ENTREP2: variants seen among roughly 807,000 people sequenced by gnomAD.
ENTREP2 encodes the protein endosomal transmembrane epsin interactor 2, also known as protein ENTREP2.
At chr15:29,307,041 C>T in the ENTREP2 span, among the ~76,000 whole-genome samples, 1 of 152,048 alleles carries the variant, frequency 6.6e-6, no homozygotes, top group Admixed American at 6.6e-5. Flanking sequence ...AGCCACTGCA[C>T]CCAGCTGGCA....
the ENTREP2 span, among the ~76,000 whole-genome samples, chr15:29,486,760 T>C: frequency 3.9e-4 from 60 of 152,120 alleles, no homozygotes; most frequent in Non-Finnish European, 4.4e-4. Flanking sequence ...TGAAGGATAT[T>C]ATGTTAAGCA....
At chr15:29,399,171 G>A in the ENTREP2 span, among the ~76,000 whole-genome samples, 1 of 152,184 alleles carries the variant, frequency 6.6e-6, no homozygotes, top group Admixed American at 6.5e-5. Context: ...ACAACCTGAA[G>A]GAGTTTGGAA....
At chr15:29,412,988 C>T in the ENTREP2 span, among the ~76,000 whole-genome samples, 1,318 of 151,892 alleles carry the variant, frequency 8.7e-3, 8 homozygotes, top group Non-Finnish European at 0.014. Flanking sequence ...TTTCTAGGTA[C>T]CTAAGGCTAT....
At chr15:29,136,523 A>G in the ENTREP2 span, 5 of 1,545,388 alleles carry the variant, frequency 3.2e-6, no homozygotes, top group South Asian at 3.6e-5. Flanking sequence ...GAATCATCAC[A>G]TCGTCATTGC....
At chr15:29,506,037 C>A in the ENTREP2 span, among the ~76,000 whole-genome samples, 9 of 152,024 alleles carry the variant, frequency 5.9e-5, no homozygotes, top group Non-Finnish European at 8.8e-5. Flanking sequence ...GAATTGCTAA[C>A]CAGAATAGCC....
At chr15:29,629,097 T>A in the ENTREP2 span, among the ~76,000 whole-genome samples, 4 of 152,290 alleles carry the variant, frequency 2.6e-5, no homozygotes, top group Non-Finnish European at 5.9e-5. Flanking sequence ...AATTTTCTCT[T>A]GGAAGTCTAC....
chr15:29,612,687 C>T, the ENTREP2 span: 12 of 153,766 alleles, frequency 7.8e-5, 1 homozygote, highest in South Asian at 4.1e-4. Flanking sequence ...CCAGGGACCA[C>T]GATCTGTAGC....
the ENTREP2 span, among the ~76,000 whole-genome samples, chr15:29,157,529 G>A: frequency 1.3e-5 from 2 of 152,192 alleles, no homozygotes; most frequent in African/African-American, 4.8e-5. Flanking sequence ...CTGGCTGAGT[G>A]CCTTTTCTCT....
At chr15:29,471,116 T>A in the ENTREP2 span, among the ~76,000 whole-genome samples, 3 of 152,308 alleles carry the variant, frequency 2.0e-5, no homozygotes, top group East Asian at 3.9e-4. Context: ...CCAGAGGATC[T>A]AGGGGACATT....
chr15:29,366,390 G>A, the ENTREP2 span, among the ~76,000 whole-genome samples: 1 of 151,996 alleles, frequency 6.6e-6, no homozygotes, highest in Non-Finnish European at 1.5e-5. Flanking sequence ...TAAATTTAAT[G>A]TATTATTTAA....
chr15:29,135,597 T>C, the ENTREP2 span, among the ~76,000 whole-genome samples: 1 of 152,278 alleles, frequency 6.6e-6, no homozygotes, highest in Middle Eastern at 3.4e-3. This position sits in a 1 kb window ranked among gnomAD's most constrained non-coding sequence, Gnocchi z 7.4. Flanking sequence ...ATGTTCCAAG[T>C]CCTGTTGGCT....
At chr15:29,570,783 C>G in the ENTREP2 span, 45 of 759,420 alleles carry the variant, frequency 5.9e-5, no homozygotes, top group Non-Finnish European at 7.2e-5. Context: ...GCCGCCGCCT[C>G]TCCTCACAGA....
chr15:29,196,484 C>T, the ENTREP2 span: 4 of 1,551,710 alleles, frequency 2.6e-6, no homozygotes, highest in Non-Finnish European at 3.5e-6. Flanking sequence ...TCAGCTTCAG[C>T]GTCTCCCCGA....
the ENTREP2 span, among the ~76,000 whole-genome samples, chr15:29,608,726 C>T: frequency 2.6e-5 from 4 of 151,796 alleles, no homozygotes; most frequent in African/African-American, 9.7e-5. Flanking sequence ...GCCACCACAC[C>T]TGGCTAATTT....
At chr15:29,560,282 G>A in the ENTREP2 span, among the ~76,000 whole-genome samples, 1 of 152,270 alleles carries the variant, frequency 6.6e-6, no homozygotes, top group African/African-American at 2.4e-5. Context: ...TGAGCAACTT[G>A]GTTGGGGATA....
the ENTREP2 span, among the ~76,000 whole-genome samples, chr15:29,368,337 A>AAAAAAAAAT: frequency 6.8e-6 from 1 of 146,102 alleles, no homozygotes; most frequent in South Asian, 2.2e-4. Context: ...CAAAAAAAAA[A>AAAAAAAAAT]ATATATATAT....
chr15:29,370,484 C>A, the ENTREP2 span, among the ~76,000 whole-genome samples: 2 of 151,980 alleles, frequency 1.3e-5, no homozygotes, highest in Non-Finnish European at 2.9e-5. Context: ...TAGCAAAGAA[C>A]AACATTCTGA....
At chr15:29,318,528 G>A in the ENTREP2 span, among the ~76,000 whole-genome samples, 1 of 152,064 alleles carries the variant, frequency 6.6e-6, no homozygotes, top group African/African-American at 2.4e-5. Flanking sequence ...CACCGTGTTA[G>A]CCAGGATGGT....
chr15:29,156,259 A>G, the ENTREP2 span, among the ~76,000 whole-genome samples: 2 of 152,096 alleles, frequency 1.3e-5, no homozygotes, highest in African/African-American at 4.8e-5. Flanking sequence ...ATCTTGGCTC[A>G]CTGCAACTTC....
Sources: allele counts gnomAD v4.1 joint callset (sites outside exome capture counted in the v4.1 genomes callset), GRCh38; gene constraint gnomAD v4.1.1; non-coding constraint Gnocchi (gnomAD v3.1); transcripts MANE v1.5; gene names NCBI Gene and HGNC (gene_info 2026-07-23, HGNC 2026-07-21).